The following PALM variants were observed in gnomAD, a reference collection of about 807,000 sequenced individuals.
PALM encodes paralemmin.
A neutral mutation model predicts 30.7 loss-of-function variants in PALM; 18 were observed. That is an observed-to-expected ratio of 0.59 (90% CI 0.41 to 0.87). PALM has a LOEUF of 0.87. Ranked by LOEUF, PALM falls within the 40% of genes least tolerant of loss-of-function variation. The pLI, the probability that PALM is intolerant of heterozygous loss-of-function variation, is 0.00. For synonymous variants in PALM, 286 were observed against 242.8 expected, an observed-to-expected ratio of 1.18 and a Z score of -1.66; for missense variants, 529 against 555.4, an observed-to-expected ratio of 0.95 and a Z score of 0.48.
intron 1 of PALM, among the ~76,000 whole-genome samples, chr19:720,289 T>A (rs2144860320): frequency 6.7e-6 from 1 of 150,118 alleles, no homozygotes; most frequent in East Asian, 2.1e-4. Context: ...CCTCCATCCA[T>A]CACCGGGGCG....
At chr19:728,902 A>G (rs944990225) in intron 4 of PALM, among the ~76,000 whole-genome samples, 4 of 151,994 alleles carry the variant, frequency 2.6e-5, no homozygotes, top group African/African-American at 9.7e-5. Context: ...TACTCATGAG[A>G]CTGAGGCAGG....
intron 6 of PALM, chr19:735,232 G>A: frequency 7.2e-6 from 1 of 139,150 alleles, no homozygotes; most frequent in Non-Finnish European, 1.4e-5. Flanking sequence ...TGGGGTCTGT[G>A]TGTCTGGGGG....
Position 747,726 on chromosome 19 carries a change from A to C in PALM, c.*912A>C, listed in dbSNP as rs918273312. ...ACCCCGAGATCAGGCCCCACCTGCC[A>C]GCTCTACTGGGCTTGGAGCACGTCC... On this transcript the variant is annotated 3_prime_UTR_variant, in exon 9 of 9. Coordinates refer to ENST00000338448, the MANE Select transcript of PALM (RefSeq NM_002579.3). 2.0e-5 allele frequency: 3 copies of C among 152,638 alleles called. No individual in the cohort carries two copies. Among genetic ancestry groups the C allele is most frequent in the Non-Finnish European group, 4.4e-5 (3 of 68,248 alleles). 9.5% of individuals were successfully genotyped at this position (152,638 alleles called of 1,614,324 possible).
Position 727,150 on chromosome 19 carries a change from G to A in PALM, c.138+62G>A, listed in dbSNP as rs572794041. 8 of 1,123,360 alleles carry A rather than the reference G, an allele frequency of 7.1e-6. No homozygotes were observed. In the East Asian group the frequency reaches 1.8e-4, roughly 25 times the overall value. The allele number at this position is 1,123,360 out of a possible 1,614,324, so 69.6% of individuals were successfully genotyped here. ...AGGCGGCTGTGAGGCGGAGGCCCCG[G>A]ACTCCTGCCCAACCCTGACCCTGAC... is the stretch of plus-strand genomic sequence containing the variant. On this transcript the variant is annotated intron_variant, in intron 3 of 8. Transcript: ENST00000338448.
intron 8 of PALM, among the ~76,000 whole-genome samples, chr19:740,995 C>T (rs1275253450): frequency 6.6e-6 from 1 of 151,356 alleles, no homozygotes; most frequent in Non-Finnish European, 1.5e-5. Context: ...AAAAATTACC[C>T]TGGCATGGTG....
At chr19:727,439 T>C in intron 3 of PALM, 125 bp from the exon 4 acceptor site, 1 of 744,610 alleles carries the variant, frequency 1.3e-6, no homozygotes, top group Admixed American at 2.3e-5. Flanking sequence ...ATCCCAACCA[T>C]AACCCTGACC....
chr19:720,288 A>G (rs2032422044), intron 1 of PALM, among the ~76,000 whole-genome samples: 1 of 150,080 alleles, frequency 6.7e-6, no homozygotes, highest in Admixed American at 6.6e-5. Context: ...CCCTCCATCC[A>G]TCACCGGGGC....
intron 1 of PALM, among the ~76,000 whole-genome samples, chr19:722,075 C>T (rs1453143291): frequency 5.9e-5 from 9 of 152,026 alleles, no homozygotes; most frequent in East Asian, 3.9e-4. Flanking sequence ...CCCGCCACCA[C>T]GCCGGGCTAA....
intron 1 of PALM, among the ~76,000 whole-genome samples, chr19:711,761 TAGAC>T (rs1401061143): frequency 2.0e-5 from 3 of 152,166 alleles, no homozygotes; most frequent in Non-Finnish European, 4.4e-5. Flanking sequence ...AGGCAAGGAA[TAGAC>T]AGATACTGTC....
intron 1 of PALM, among the ~76,000 whole-genome samples, chr19:717,713 G>C (rs1040411560): frequency 4.9e-4 from 75 of 152,170 alleles, no homozygotes; most frequent in African/African-American, 1.8e-3. Context: ...TCAGATGACA[G>C]GTGGCCCTGG....
intron 6 of PALM, among the ~76,000 whole-genome samples, chr19:735,382 GTCTGGA>G (rs2032995016): frequency 7.2e-6 from 1 of 138,184 alleles, no homozygotes; most frequent in African/African-American, 2.9e-5. Flanking sequence ...CCAGGTGCCT[GTCTGGA>G]TGTCTGGGGG....
At chr19:741,517 GAC>G in intron 8 of PALM, among the ~76,000 whole-genome samples, 3 of 3,678 alleles carry the variant, frequency 8.2e-4, no homozygotes, top group Non-Finnish European at 8.6e-4. Context: ...GGTGAGGGGA[GAC>G]GGGGTGAGGG....
At chr19:717,305 C>T (rs1411192197) in intron 1 of PALM, among the ~76,000 whole-genome samples, 2 of 152,148 alleles carry the variant, frequency 1.3e-5, no homozygotes, top group Non-Finnish European at 2.9e-5. Context: ...TAGGCATCCC[C>T]TCCCGTCCCC....
At chr19:731,322 A>C in intron 5 of PALM, 77 bp downstream of exon 5, 1 of 1,323,916 alleles carries the variant, frequency 7.6e-7, no homozygotes, top group South Asian at 1.4e-5. Flanking sequence ...CAGCCCTTCC[A>C]TGTCAGCGTA....
chr19:716,736 C>T (rs2144850960), intron 1 of PALM, among the ~76,000 whole-genome samples: 1 of 152,292 alleles, frequency 6.6e-6, no homozygotes, highest in South Asian at 2.1e-4. Flanking sequence ...GGAAGGACCC[C>T]AGCCCCTGGC....
chr19:745,593 G>A (rs958892939), intron 8 of PALM, among the ~76,000 whole-genome samples: 1 of 151,270 alleles, frequency 6.6e-6, no homozygotes, highest in African/African-American at 2.4e-5. Flanking sequence ...TACTCAGGAG[G>A]CTGAGGCAGG....
intron 1 of PALM, among the ~76,000 whole-genome samples, chr19:712,504 C>G (rs771605025): frequency 2.0e-5 from 3 of 151,704 alleles, no homozygotes; most frequent in Non-Finnish European, 4.4e-5. Flanking sequence ...CTGCCTCAGC[C>G]TCCCGAGTAG....
rs928188291 is a variant in PALM at position 747,012 on chromosome 19, C to G, written c.*198C>G. 1.7e-6 allele frequency: 1 copy of G among 584,604 alleles called. No individual in the cohort carries two copies. The highest frequency in any genetic ancestry group is 3.0e-6 in the Non-Finnish European group (1 of 328,366). The allele number at this position is 584,604 out of a possible 1,614,324, so 36.2% of individuals were successfully genotyped here. A position where few individuals can be genotyped will look rare whatever the true frequency, so the allele number is the denominator to read the frequency against. On this transcript the variant is annotated 3_prime_UTR_variant, in exon 9 of 9. Coordinates refer to ENST00000338448, the MANE Select transcript of PALM (RefSeq NM_002579.3). ...CGTCACCACGCCCCAACACTCCCCC[C>G]GAACCAGAGCCGTGCACTTGTGCCT...
intron 1 of PALM, among the ~76,000 whole-genome samples, chr19:710,651 G>GCCCACCCCCCCCCCCC (rs2032045401): frequency 8.8e-6 from 1 of 114,168 alleles, no homozygotes; most frequent in Non-Finnish European, 1.8e-5. Context: ...AGGAGCTGCT[G>GCCCACCCCCCCCCCCC]CCCCCCCCCC....
Sources: gnomAD v4.1 joint callset for allele counts (sites outside exome capture counted in the v4.1 genomes callset) on GRCh38, gnomAD v4.1.1 for gene constraint, MANE v1.5 for transcripts, NCBI Gene and HGNC (gene_info 2026-07-23, HGNC 2026-07-21) for gene names.